The following CPA6 variants were observed in gnomAD, a reference collection of about 807,000 sequenced individuals.
The protein encoded by CPA6 is carboxypeptidase B.
A neutral mutation model predicts 63.3 loss-of-function variants in CPA6; 58 were observed. The ratio of observed to expected loss-of-function variants is 0.92; its 90% CI spans 0.74 to 1.14. The LOEUF (loss-of-function observed/expected upper bound fraction) is 1.14, where lower values mean the gene tolerates loss of function less well. CPA6 is among the 50% of genes most tolerant of loss of function. The probability of loss-of-function intolerance (pLI) is 0.00; values close to 1 mark genes in which losing one functional copy is unlikely to be tolerated. For missense variants in CPA6, 565 were observed against 526.6 expected, an observed-to-expected ratio of 1.07 and a Z score of -0.71; for synonymous variants, 185 against 179.0, an observed-to-expected ratio of 1.03 and a Z score of -0.27.
intron 1 of CPA6, among the ~76,000 whole-genome samples, chr8:67,694,697 A>G (rs1816878939): frequency 6.6e-6 from 1 of 152,330 alleles, no homozygotes; most frequent in East Asian, 1.9e-4. Flanking sequence ...AGAGAAGACT[A>G]GGGCCTGGTT....
chr8:67,549,361 G>A (rs1365655523), intron 2 of CPA6, among the ~76,000 whole-genome samples: 1 of 152,106 alleles, frequency 6.6e-6, no homozygotes, highest in Non-Finnish European at 1.5e-5. Flanking sequence ...TTTAAACCAC[G>A]TTGAGGTATG....
At chr8:67,650,464 C>T (rs1024089480) in intron 1 of CPA6, among the ~76,000 whole-genome samples, 3 of 152,120 alleles carry the variant, frequency 2.0e-5, no homozygotes, top group Admixed American at 6.6e-5. Context: ...GCCTCACATC[C>T]ATACACCCCA....
In CPA6 at chr8:67,714,288, A is replaced by G. The variant is rs542963021; in HGVS notation, c.116+31726T>C. ...CTCAAAATCAGAGTGGAAAGCGACT[A>G]AAAAGGAGAATTTGCCCCAACTGAG... On this transcript the variant is annotated intron_variant, in intron 1 of 10. Coordinates refer to ENST00000297770, the MANE Select transcript of CPA6 (RefSeq NM_020361.5). Among the ~76,000 whole-genome samples, 4 of 152,302 alleles carry G rather than the reference A, an allele frequency of 2.6e-5. No individual in the cohort carries two copies. In the East Asian group the frequency reaches 7.7e-4, roughly 29 times the overall value.
intron 1 of CPA6, among the ~76,000 whole-genome samples, chr8:67,701,812 C>T (rs1322386641): frequency 2.0e-5 from 3 of 152,214 alleles, no homozygotes; most frequent in Non-Finnish European, 2.9e-5. Context: ...CTGGGAAGAA[C>T]TGTAACTTCC....
intron 4 of CPA6, 129 bp downstream of exon 4, chr8:67,511,412 C>T (rs1180574104): frequency 9.5e-6 from 6 of 632,462 alleles, no homozygotes; most frequent in Admixed American, 2.4e-5. Context: ...TACATATATT[C>T]TTCACATAGT....
At chr8:67,735,177 T>A (rs965331054) in intron 1 of CPA6, 1 of 152,222 alleles carries the variant, frequency 6.6e-6, no homozygotes, top group Non-Finnish European at 1.5e-5. Context: ...TTTTTTTTAA[T>A]CTCTCCCTCT....
intron 2 of CPA6, among the ~76,000 whole-genome samples, chr8:67,597,486 G>A (rs1053771501): frequency 2.4e-4 from 36 of 152,216 alleles, no homozygotes; most frequent in African/African-American, 5.1e-4. Flanking sequence ...GAGCCACTGC[G>A]CCTGGCCCCT....
rs868625452 is a variant in CPA6, at chr8:67,586,549, T to C, written c.192+37627A>G. Among the ~76,000 whole-genome samples the C allele has an allele frequency of 5.3e-5, 8 of 152,318 alleles. No individual in the cohort carries two copies. The South Asian group carries it at 1.2e-3, about 24-fold the overall frequency. On this transcript the variant is annotated intron_variant, in intron 2 of 10. Transcript: ENST00000297770. ...AGTATGAGTCTGTGTTAAGGTGTTC[T>C]GTTTGATTACCTCAGCGGGTAATGA...
intron 2 of CPA6, among the ~76,000 whole-genome samples, chr8:67,544,317 T>C (rs140782418): frequency 4.3e-4 from 65 of 152,290 alleles, no homozygotes; most frequent in African/African-American, 1.5e-3. Context: ...TACCAATTCA[T>C]TGTTACAGGA....
chr8:67,718,763 C>T (rs886701487), intron 1 of CPA6, among the ~76,000 whole-genome samples: 2 of 151,954 alleles, frequency 1.3e-5, no homozygotes, highest in African/African-American at 4.8e-5. Flanking sequence ...TCTCCTCCCT[C>T]AGCCTCCTGA....
intron 1 of CPA6, among the ~76,000 whole-genome samples, chr8:67,665,410 G>A (rs753609263): frequency 6.6e-6 from 1 of 152,146 alleles, no homozygotes; most frequent in African/African-American, 2.4e-5. Flanking sequence ...TGGGAAAATG[G>A]CACAGTAGCA....
chr8:67,437,963 T>G (rs1262894819), intron 8 of CPA6, among the ~76,000 whole-genome samples: 1 of 152,200 alleles, frequency 6.6e-6, no homozygotes, highest in Non-Finnish European at 1.5e-5. Context: ...TCGCTCAGGC[T>G]GGAGTGCAGT....
At chr8:67,443,039 C>CAAAA (rs1810329657) in intron 8 of CPA6, among the ~76,000 whole-genome samples, 1 of 151,164 alleles carries the variant, frequency 6.6e-6, no homozygotes, top group Non-Finnish European at 1.5e-5. Context: ...TGACCTGCAT[C>CAAAA]ATGGCAAAAA....
Position 67,497,068 on chromosome 8 carries a change from T to C in CPA6, c.636+9719A>G, listed in dbSNP as rs151319607. Among the ~76,000 whole-genome samples the C allele has an allele frequency of 6.6e-5, 10 of 152,338 alleles. No individual in the cohort carries two copies. In the East Asian group the frequency reaches 1.5e-3, roughly 23 times the overall value. The stretch of plus-strand genomic sequence containing the variant: ...TTAGCATGTTTTCAAGATTCATGTA[T>C]GTTGTAGCATGTATCAGCACTTCAT... On this transcript the variant is annotated intron_variant, in intron 6 of 10. Coordinates refer to ENST00000297770, the MANE Select transcript of CPA6 (RefSeq NM_020361.5).
intron 6 of CPA6, among the ~76,000 whole-genome samples, chr8:67,491,889 A>G (rs79242213): frequency 2.0e-5 from 3 of 152,276 alleles, no homozygotes; most frequent in South Asian, 4.1e-4. Context: ...CGATTCTACT[A>G]TTTCTTTAAA....
At chr8:67,586,782 G>A (rs556917846) in intron 2 of CPA6, among the ~76,000 whole-genome samples, 80 of 152,290 alleles carry the variant, frequency 5.3e-4, no homozygotes, top group Non-Finnish European at 9.0e-4. Flanking sequence ...GGTGATGTCA[G>A]TGGGTCAGGA....
chr8:67,715,255 A>T (rs1442842654), intron 1 of CPA6, among the ~76,000 whole-genome samples: 1 of 152,188 alleles, frequency 6.6e-6, no homozygotes, highest in Non-Finnish European at 1.5e-5. Flanking sequence ...TCCAATGCCA[A>T]TTCTAAATTC....
chr8:67,656,670 C>A (rs1322665109), intron 1 of CPA6, among the ~76,000 whole-genome samples: 1 of 152,178 alleles, frequency 6.6e-6, no homozygotes, highest in Non-Finnish European at 1.5e-5. Context: ...TGTAAACTCA[C>A]CTCTGTAAGA....
intron 1 of CPA6, among the ~76,000 whole-genome samples, chr8:67,739,635 C>G (rs1026706772): frequency 2.6e-5 from 4 of 152,094 alleles, no homozygotes; most frequent in African/African-American, 9.7e-5. Context: ...GTGTGCAATG[C>G]TGAATGAAGC....
Sources: gnomAD v4.1 joint callset for allele counts (sites outside exome capture counted in the v4.1 genomes callset) on GRCh38, gnomAD v4.1.1 for gene constraint, MANE v1.5 for transcripts, NCBI Gene and HGNC (gene_info 2026-07-23, HGNC 2026-07-21) for gene names.